Variants in RBFOX1 observed in about 807,000 individuals in gnomAD.
The protein encoded by RBFOX1 is RNA binding fox-1 homolog 1.
A neutral mutation model predicts 57.7 loss-of-function variants in RBFOX1; 8 were observed. The ratio of observed to expected loss-of-function variants is 0.14; its 90% CI spans 0.08 to 0.25. The LOEUF (loss-of-function observed/expected upper bound fraction) is 0.25. RBFOX1 is among the 10% of genes least tolerant of loss of function. The pLI is 1.00. For synonymous variants in RBFOX1, 326 were observed against 222.4 expected, an observed-to-expected ratio of 1.47 and a Z score of -4.15; for missense variants, 611 against 548.5, an observed-to-expected ratio of 1.11 and a Z score of -1.14.
intron 2 of RBFOX1, among the ~76,000 whole-genome samples, chr16:5,520,733 C>T (rs183171357): frequency 2.6e-5 from 4 of 152,286 alleles, no homozygotes; most frequent in African/African-American, 9.6e-5. Context: ...ACATACTTCC[C>T]CTCTTTATTG....
At chr16:6,943,072 G>T (rs1050056087) in intron 3 of RBFOX1, among the ~76,000 whole-genome samples, 8 of 152,174 alleles carry the variant, frequency 5.3e-5, no homozygotes, top group African/African-American at 1.9e-4. Flanking sequence ...GTTAGATGCT[G>T]TTGGGATTCA....
chr16:7,439,485 G>C (rs1420702074), intron 4 of RBFOX1, among the ~76,000 whole-genome samples: 1 of 152,032 alleles, frequency 6.6e-6, no homozygotes, highest in Admixed American at 6.5e-5. Flanking sequence ...TTTTAACCCA[G>C]AATTATCCAC....
chr16:5,262,382 A>T (rs1336075668), intron 1 of RBFOX1, among the ~76,000 whole-genome samples: 1 of 152,222 alleles, frequency 6.6e-6, no homozygotes, highest in African/African-American at 2.4e-5. Flanking sequence ...GGTGAGCCTC[A>T]TCCAATCCAC....
intron 2 of RBFOX1, among the ~76,000 whole-genome samples, chr16:5,529,971 C>T (rs2044400269): frequency 1.3e-5 from 2 of 152,124 alleles, no homozygotes; most frequent in African/African-American, 4.8e-5. Context: ...ACCACAGAAC[C>T]CAAGGCAAGA....
At chr16:6,928,204 G>A (rs974587031) in intron 3 of RBFOX1, among the ~76,000 whole-genome samples, 6 of 152,178 alleles carry the variant, frequency 3.9e-5, no homozygotes, top group Non-Finnish European at 5.9e-5. Flanking sequence ...AAAGATTGAT[G>A]TCTGGGTACT....
At chr16:7,296,812 C>G (rs1365574729) in intron 4 of RBFOX1, among the ~76,000 whole-genome samples, 1 of 152,104 alleles carries the variant, frequency 6.6e-6, no homozygotes, top group Non-Finnish European at 1.5e-5. Context: ...TTCCTAGGAG[C>G]TAGTTTGCAG....
chr16:7,411,263 G>A (rs1456132625), intron 4 of RBFOX1, among the ~76,000 whole-genome samples: 2 of 152,012 alleles, frequency 1.3e-5, no homozygotes, highest in African/African-American at 2.4e-5. Flanking sequence ...TCTAAGAATG[G>A]GTGACAAAGA....
rs71142624 is a variant in RBFOX1, at chr16:5,485,345, C to CAAAAAAAAAAAAAAA, written c.258+18100_258+18114dup. 5.6e-4 allele frequency among the ~76,000 whole-genome samples: 29 copies of CAAAAAAAAAAAAAAA among 51,646 alleles called. 1 individual carries two copies. Among genetic ancestry groups the CAAAAAAAAAAAAAAA allele is most frequent in the African/African-American group, 7.6e-4 (11 of 14,484 alleles). The allele number at this position is 51,646 out of a possible 152,430, so 33.9% of individuals were successfully genotyped here. Reference sequence around the variant, plus strand: ...TGGGCGACAGAGCCAGACTCCGTGTCAAAAAAAAAAAAAAAAAAAAAAAGT... The same window carrying CAAAAAAAAAAAAAAA: ...TGGGCGACAGAGCCAGACTCCGTGTCAAAAAAAAAAAAAAAAAAAAAAAAAAAAAAAAAAAAAAGT... On this transcript the variant is annotated intron_variant, in intron 2 of 2. Coordinates refer to the RBFOX1 transcript ENST00000585867.
At chr16:7,196,659 C>T (rs12445240) in intron 4 of RBFOX1, among the ~76,000 whole-genome samples, 31,236 of 152,036 alleles carry the variant, frequency 0.21, 3,644 homozygotes, top group East Asian at 0.37. Context: ...AGGAGACAGG[C>T]ATGTGTGTAT....
At chr16:7,489,066 G>A (rs989479459) in intron 4 of RBFOX1, among the ~76,000 whole-genome samples, 7 of 152,016 alleles carry the variant, frequency 4.6e-5, no homozygotes, top group African/African-American at 1.7e-4. Context: ...GAATCTCAGC[G>A]TGTCTGTCTC....
intron 4 of RBFOX1, among the ~76,000 whole-genome samples, chr16:7,366,807 G>C (rs1367929003): frequency 1.3e-5 from 2 of 152,142 alleles, no homozygotes; most frequent in African/African-American, 4.8e-5. Flanking sequence ...GGATTCCAGT[G>C]AAAGTACATT....
chr16:6,335,740 T>G (rs552916429), intron 2 of RBFOX1, among the ~76,000 whole-genome samples: 1 of 119,678 alleles, frequency 8.4e-6, no homozygotes, highest in South Asian at 2.5e-4. Context: ...ATCGCACCAC[T>G]ACAGTCCAGC....
intron 3 of RBFOX1, among the ~76,000 whole-genome samples, chr16:6,761,661 C>T (rs2076623943): frequency 6.6e-6 from 1 of 151,820 alleles, no homozygotes; most frequent in Non-Finnish European, 1.5e-5. Context: ...TGCTCGCCAC[C>T]ATGCCTGGCT....
At chr16:6,132,984 GAA>G (rs146415031) in intron 1 of RBFOX1, among the ~76,000 whole-genome samples, 7 of 147,804 alleles carry the variant, frequency 4.7e-5, no homozygotes, top group Non-Finnish European at 9.0e-5. Flanking sequence ...AAAAAGAAAA[GAA>G]AAAAAAGACT....
intron 3 of RBFOX1, among the ~76,000 whole-genome samples, chr16:6,782,849 A>C (rs868531058): frequency 6.6e-6 from 1 of 152,136 alleles, no homozygotes; most frequent in African/African-American, 2.4e-5. Flanking sequence ...CCCAACTATC[A>C]TTGTGCTGGG....
At chr16:6,292,680 G>C (rs955006188) in intron 1 of RBFOX1, among the ~76,000 whole-genome samples, 1 of 152,118 alleles carries the variant, frequency 6.6e-6, no homozygotes, top group African/African-American at 2.4e-5. Context: ...TAGGCGAATT[G>C]TTATATTTGC....
intron 4 of RBFOX1, among the ~76,000 whole-genome samples, chr16:7,222,709 G>A (rs1050070861): frequency 3.3e-5 from 5 of 152,190 alleles, no homozygotes; most frequent in Non-Finnish European, 5.9e-5. Context: ...TGATGTTACA[G>A]GTGTAAGCCA....
intron 4 of RBFOX1, among the ~76,000 whole-genome samples, chr16:7,270,084 C>T (rs1396987092): frequency 6.6e-6 from 1 of 152,210 alleles, no homozygotes; most frequent in Non-Finnish European, 1.5e-5. Context: ...CTACTGTCCT[C>T]ATTTTACAAA....
At chr16:6,123,447 G>C (rs1176205413) in intron 1 of RBFOX1, among the ~76,000 whole-genome samples, 1 of 152,204 alleles carries the variant, frequency 6.6e-6, no homozygotes, top group Non-Finnish European at 1.5e-5. Flanking sequence ...GGATACTAAA[G>C]TAGTCAAATA....
Sources: allele counts gnomAD v4.1 joint callset (sites outside exome capture counted in the v4.1 genomes callset), GRCh38; gene constraint gnomAD v4.1.1; transcripts MANE v1.5; gene names NCBI Gene and HGNC (gene_info 2026-07-23, HGNC 2026-07-21).